Variants in BRME1 observed in about 807,000 individuals in gnomAD.
BRME1 encodes break repair meiotic recombinase recruitment factor 1.
In BRME1, 31 loss-of-function variants were observed where a neutral mutation model predicts 52.6. The ratio of observed to expected loss-of-function variants is 0.59; its 90% CI spans 0.44 to 0.80. The LOEUF is 0.80. Ranked by LOEUF, BRME1 falls within the 30% of genes least tolerant of loss-of-function variation. BRME1 has a pLI of 0.00. For missense variants in BRME1, 804 were observed against 860.3 expected (o/e 0.93, Z 0.82); for synonymous variants, 359 against 353.6 (o/e 1.02, Z -0.17).
chr19:13,893,541 A>AAACG (rs972469673), intron 3 of BRME1, among the ~76,000 whole-genome samples: 1 of 151,942 alleles, frequency 6.6e-6, no homozygotes, highest in African/African-American at 2.4e-5. Context: ...TGTCAAAAAC[A>AAACG]AACAAACGAG....
Position 13,882,791 on chromosome 19 carries a change from C to T in BRME1, c.*11G>A. 6.2e-7 allele frequency: 1 copy of T among 1,613,514 alleles called. No individual in the cohort carries two copies. The highest frequency in any genetic ancestry group is 8.5e-7 in the Non-Finnish European group (1 of 1,179,838). ...GCTGGGTGGCAAAGGAAACACAGAC[C>T]TCAAAGTGGCCTACAACTCCCTCCA... On this transcript the variant is annotated 3_prime_UTR_variant, in exon 9 of 9. Transcript: ENST00000586783.
chr19:13,895,657 T>A lies in BRME1; in HGVS notation c.32-111A>T, dbSNP rs145617484. 40 of 894,448 alleles carry A rather than the reference T, an allele frequency of 4.5e-5. No individual in the cohort carries two copies. The African/African-American group carries it at 6.0e-4, about 13-fold the overall frequency. The allele number at this position is 894,448 out of a possible 1,614,324, so 55.4% of individuals were successfully genotyped here. On this transcript the variant is annotated intron_variant, in intron 2 of 8. Transcript: ENST00000586783. ...AGGCTGCACGCGAGAAGGGGCCGAATCCATTTCACTCTCTGCGGGGTCCCA... is the reference window on the plus strand; with the variant it reads ...AGGCTGCACGCGAGAAGGGGCCGAAACCATTTCACTCTCTGCGGGGTCCCA...
At chr19:13,895,154 C>T (rs1426756219) in intron 3 of BRME1, among the ~76,000 whole-genome samples, 2 of 152,128 alleles carry the variant, frequency 1.3e-5, no homozygotes, top group Non-Finnish European at 2.9e-5. Context: ...GTTGGGATTA[C>T]AGGCATTAGC....
Position 13,882,488 on chromosome 19 carries a change from C to G in BRME1, c.*314G>C. The G allele has an allele frequency of 2.1e-6, 1 of 465,134 alleles. No homozygotes were observed. Among genetic ancestry groups the G allele is most frequent in the Non-Finnish European group, 3.8e-6 (1 of 265,506 alleles). The allele number at this position is 465,134 out of a possible 1,614,324, so 28.8% of individuals were successfully genotyped here. On this transcript the variant is annotated 3_prime_UTR_variant, in exon 9 of 9. Coordinates refer to ENST00000586783, the MANE Select transcript of BRME1 (RefSeq NM_001345843.2). ...GAACCATCCATACTTGGCTCAGGAC[C>G]CTAAAATTTGCAAATCCGGACAGGA...
At position 13,890,191 on chromosome 19, in the gene BRME1, G is replaced by A; in HGVS notation, c.665C>T (p.Pro222Leu). 1 of 1,614,218 alleles carries A rather than the reference G, an allele frequency of 6.2e-7. No homozygotes were observed. ...GTCACCTGGAACCCTGTCTGTCTCA[G>A]GCTTGCTGTCATCGGCCCCTTGTTC... ...LSEQGADDSKPETDRVPGDGG... is the reference protein window; with the variant it reads ...LSEQGADDSKLETDRVPGDGG... The change falls in exon 6 of 9, where the codon CCT becomes CTT. Residue 222 changes from proline to leucine, a missense_variant. Around this residue, in one of 3 missense-constraint regions of BRME1, gnomAD observed 18 missense variants for 41.1 expected, o/e 0.44. Transcript: ENST00000586783.
chr19:13,905,408 T>C (rs1287294790), intron 1 of BRME1, among the ~76,000 whole-genome samples: 2 of 151,336 alleles, frequency 1.3e-5, no homozygotes, highest in East Asian at 1.9e-4. Flanking sequence ...CTTGGGAGGC[T>C]GAGACAGTAG....
At chr19:13,904,952 T>C in intron 1 of BRME1, 39 bp from the exon 2 acceptor site, 1 of 1,517,268 alleles carries the variant, frequency 6.6e-7, no homozygotes, top group South Asian at 1.1e-5. Context: ...ATAAGCAGTC[T>C]CTGTCTCTGT....
At position 13,889,565 on chromosome 19, in the gene BRME1, C is replaced by A; in HGVS notation, c.1291G>T (p.Gly431Cys). The change falls in exon 6 of 9, where the codon GGT becomes TGT. Residue 431 changes from glycine to cysteine, a missense_variant. By Grantham distance (159) the Gly-to-Cys change is radical (BLOSUM62 -3). This residue lies in a region of BRME1 where 552 missense variants were observed against 561.1 expected (regional missense o/e 0.98). Coordinates refer to ENST00000586783, the MANE Select transcript of BRME1 (RefSeq NM_001345843.2). ...LAPGSGESMM[G>C]AGDSGHASPD... is the part of the protein sequence containing the mutation. Reference sequence around the variant, plus strand: ...GATGCATGACCGGAATCTCCAGCACCCATCATGGACTCTCCGCTCCCAGGT... The same window carrying A: ...GATGCATGACCGGAATCTCCAGCACACATCATGGACTCTCCGCTCCCAGGT... The A allele has an allele frequency of 6.2e-7, 1 of 1,613,264 alleles. No homozygotes were observed. Among genetic ancestry groups the A allele is most frequent in the Non-Finnish European group, 8.5e-7 (1 of 1,179,700 alleles).
intron 2 of BRME1, among the ~76,000 whole-genome samples, chr19:13,904,374 T>C (rs926951745): frequency 6.6e-6 from 1 of 152,146 alleles, no homozygotes; most frequent in Non-Finnish European, 1.5e-5. Flanking sequence ...CCCAAAGTGC[T>C]AGGATTACAG....
chr19:13,884,306 C>T (rs1462672366), intron 7 of BRME1, among the ~76,000 whole-genome samples: 1 of 151,978 alleles, frequency 6.6e-6, no homozygotes. Flanking sequence ...TGTACACCAG[C>T]CTGGGCAACA....
At chr19:13,893,699 G>A (rs1969681226) in intron 3 of BRME1, among the ~76,000 whole-genome samples, 1 of 152,026 alleles carries the variant, frequency 6.6e-6, no homozygotes, top group Non-Finnish European at 1.5e-5. Context: ...TGAGGTGGGT[G>A]GATGCCCAGG....
At chr19:13,899,201 T>C (rs1970134321) in intron 2 of BRME1, among the ~76,000 whole-genome samples, 1 of 149,392 alleles carries the variant, frequency 6.7e-6, no homozygotes, top group Non-Finnish European at 1.5e-5. Flanking sequence ...CAGGCTAGAG[T>C]ACAGTGGCAT....
At position 13,882,674 on chromosome 19, in the gene BRME1, A is replaced by G. The variant is rs765418119; in HGVS notation, c.*128T>C. 1.5e-6 allele frequency: 2 copies of G among 1,294,124 alleles called. No homozygotes were observed. The highest frequency in any genetic ancestry group is 1.1e-6 in the Non-Finnish European group (1 of 924,186). The allele number at this position is 1,294,124 out of a possible 1,614,324, so 80.2% of individuals were successfully genotyped here. A position where few individuals can be genotyped will look rare whatever the true frequency, so the allele number is the denominator to read the frequency against. On this transcript the variant is annotated 3_prime_UTR_variant, in exon 9 of 9. Coordinates refer to ENST00000586783, the MANE Select transcript of BRME1 (RefSeq NM_001345843.2). ...CCTCACGGCCTCCTTTGTGTTGTCC[A>G]TGGAAGACCAACTTCCGGGCAACTG...
chr19:13,890,395 G>C lies in BRME1; in HGVS notation c.461C>G (p.Pro154Arg). The stretch of plus-strand genomic sequence containing the variant: ...CCCCAGCTCCGTGGCCTCCTGGAGG[G>C]GGACCCCCAGGGTCTCCACTAGCAG... The part of the protein sequence containing the change: ...CQLLVETLGV[P>R]LQEATELGDP... Residue 154 changes from proline to arginine, a missense_variant, in exon 6 of 9, where the codon CCC becomes CGC. Physicochemically the swap from Pro to Arg is moderately radical, Grantham distance 103. Coordinates refer to ENST00000586783, the MANE Select transcript of BRME1 (RefSeq NM_001345843.2). The C allele has an allele frequency of 6.5e-7, 1 of 1,527,368 alleles. No individual in the cohort carries two copies. Among genetic ancestry groups the C allele is most frequent in the South Asian group, 1.3e-5 (1 of 76,562 alleles). 94.6% of individuals were successfully genotyped at this position (1,527,368 alleles called of 1,614,324 possible). A position where few individuals can be genotyped will look rare whatever the true frequency, so the allele number is the denominator to read the frequency against.
rs115765610 is a variant in BRME1 at position 13,887,255 on chromosome 19, C to T, written c.1669-1200G>A. Among the ~76,000 whole-genome samples, 1,162 of 152,370 alleles carry T rather than the reference C, an allele frequency of 7.6e-3. 16 individuals are homozygous for T. Among genetic ancestry groups the T allele is most frequent in the African/African-American group, 0.027 (1,103 of 41,594 alleles). The stretch of plus-strand genomic sequence containing the variant: ...GAGACACGGGCCTCGGCCTTCCTGC[C>T]GGGAGCCACCCGGAACCTTCCCACG... On this transcript the variant is annotated intron_variant, in intron 6 of 8. Transcript: ENST00000586783.
In BRME1 at chr19:13,883,060, G is replaced by A. The variant is rs959585380; in HGVS notation, c.1857-108C>T. 5.1e-5 allele frequency: 70 copies of A among 1,379,476 alleles called. No homozygotes were observed. Among genetic ancestry groups the A allele is most frequent in the Non-Finnish European group, 6.4e-5 (65 of 1,008,236 alleles). The allele number at this position is 1,379,476 out of a possible 1,614,324, so 85.5% of individuals were successfully genotyped here. On this transcript the variant is annotated intron_variant, in intron 8 of 8. Coordinates refer to ENST00000586783, the MANE Select transcript of BRME1 (RefSeq NM_001345843.2). This position sits in a 1 kb window ranked among gnomAD's most constrained non-coding sequence, Gnocchi z 4.2. ...ACCAATGACTCAGGTGCACACACACGGCTCACACACGTGCACATAACCAGA... is the reference window on the plus strand; with the variant it reads ...ACCAATGACTCAGGTGCACACACACAGCTCACACACGTGCACATAACCAGA...
chr19:13,890,262 C>T lies in BRME1; in HGVS notation c.594G>A (p.Gly198=). ...DSQPDDPPDR[G]TGLSASQRAS... is the part of the protein sequence containing the mutation. Reference sequence around the variant, plus strand: ...CCCTCTGTGAGGCGGACAACCCCGTCCCCCTGTCTGGAGGGTCATCAGGCT... The same window carrying T: ...CCCTCTGTGAGGCGGACAACCCCGTTCCCCTGTCTGGAGGGTCATCAGGCT... Residue 198 remains glycine (G), a synonymous_variant, in exon 6 of 9, where the codon GGG becomes GGA. Coordinates refer to ENST00000586783, the MANE Select transcript of BRME1 (RefSeq NM_001345843.2). 6 of 1,613,766 alleles carry T rather than the reference C, an allele frequency of 3.7e-6. No individual in the cohort carries two copies. The highest frequency in any genetic ancestry group is 5.1e-6 in the Non-Finnish European group (6 of 1,179,776).
At chr19:13,900,897 C>T (rs566089131) in intron 2 of BRME1, among the ~76,000 whole-genome samples, 2 of 152,078 alleles carry the variant, frequency 1.3e-5, no homozygotes, top group Non-Finnish European at 2.9e-5. Context: ...GTCTCGAACC[C>T]TGACCTCAAA....
chr19:13,889,053 A>G, intron 6 of BRME1, 135 bp downstream of exon 6: 1 of 788,442 alleles, frequency 1.3e-6, no homozygotes, highest in Non-Finnish European at 2.0e-6. Context: ...TCGGACTCCT[A>G]TAGTCGTTGG....
Sources: allele counts gnomAD v4.1 joint callset (sites outside exome capture counted in the v4.1 genomes callset), GRCh38; gene constraint gnomAD v4.1.1; regional missense constraint gnomAD v4.1.1; non-coding constraint Gnocchi (gnomAD v3.1); transcripts MANE v1.5; gene names NCBI Gene and HGNC (gene_info 2026-07-23, HGNC 2026-07-21).